The following CDK13 variants were observed in gnomAD, a reference collection of about 807,000 sequenced individuals.
CDK13 encodes the protein cyclin-dependent kinase 13.
CDK13 carries 40 observed loss-of-function variants against 137.6 expected under a neutral mutation model. The observed-to-expected ratio is 0.29, with a 90% CI of 0.23 to 0.38. The LOEUF (loss-of-function observed/expected upper bound fraction) is 0.38, where lower values mean the gene tolerates loss of function less well. Ranked by LOEUF, CDK13 falls within the 10% of genes least tolerant of loss-of-function variation. The probability of loss-of-function intolerance (pLI) is 1.00; values close to 1 mark genes in which losing one functional copy is unlikely to be tolerated. For synonymous variants in CDK13, 869 were observed against 760.1 expected (o/e 1.14, Z -2.36); for missense variants, 1,704 against 1,951.8 (o/e 0.87, Z 2.39).
rs570369493 is a variant in CDK13, at chr7:40,023,220, G to A, written c.2353+21189G>A. ...AGATTCTCATGTCTCAGTCTCCTGA[G>A]TAACTGGGACTACAGGTGTATGCCA... On this transcript the variant is annotated intron_variant, in intron 5 of 13. Transcript: ENST00000181839. 3.9e-4 allele frequency among the ~76,000 whole-genome samples: 59 copies of A among 151,836 alleles called. 1 individual carries two copies. Among genetic ancestry groups the A allele is most frequent in the Admixed American group, 3.7e-3 (57 of 15,244 alleles).
chr7:40,024,112 T>C (rs181430524), intron 5 of CDK13, among the ~76,000 whole-genome samples: 47 of 152,332 alleles, frequency 3.1e-4, no homozygotes, highest in Admixed American at 1.8e-3. Context: ...GAAGTAATAT[T>C]TCTCTTTCCT....
intron 11 of CDK13, among the ~76,000 whole-genome samples, chr7:40,080,842 T>C (rs1033357552): frequency 6.6e-6 from 1 of 152,190 alleles, no homozygotes; most frequent in Non-Finnish European, 1.5e-5. Context: ...TATCATGTTG[T>C]GGAGGTGACA....
intron 5 of CDK13, among the ~76,000 whole-genome samples, chr7:40,031,917 C>G (rs1562739379): frequency 2.6e-5 from 4 of 151,392 alleles, no homozygotes; most frequent in East Asian, 1.9e-4. Flanking sequence ...CAACTCCTGC[C>G]TTCAAGCTAT....
chr7:40,009,223 T>C (rs1035260155), intron 5 of CDK13, among the ~76,000 whole-genome samples: 1 of 152,278 alleles, frequency 6.6e-6, no homozygotes, highest in African/African-American at 2.4e-5. Context: ...TTTTATTGTC[T>C]TATTTAATAA....
chr7:40,010,916 A>G (rs1165759536), intron 5 of CDK13, among the ~76,000 whole-genome samples: 1 of 152,238 alleles, frequency 6.6e-6, no homozygotes, highest in Non-Finnish European at 1.5e-5. Context: ...AAGGCCTTAA[A>G]GAGAATAAAA....
intron 5 of CDK13, among the ~76,000 whole-genome samples, chr7:40,008,879 A>G (rs944555159): frequency 6.6e-6 from 1 of 152,194 alleles, no homozygotes; most frequent in African/African-American, 2.4e-5. Context: ...TTTTATTTTT[A>G]TCTGGAATTT....
At chr7:40,070,864 G>T (rs990149865) in intron 9 of CDK13, 1 of 152,072 alleles carries the variant, frequency 6.6e-6, no homozygotes, top group Non-Finnish European at 1.5e-5. Context: ...ATTACCCTAA[G>T]CCTTCTAGCA....
chr7:39,982,645 G>A (rs1019410576), intron 1 of CDK13, among the ~76,000 whole-genome samples: 1 of 152,164 alleles, frequency 6.6e-6, no homozygotes, highest in African/African-American at 2.4e-5. Context: ...GTGTAAAAGT[G>A]TTCCTATTTC....
At chr7:40,020,498 A>G (rs185494991) in intron 5 of CDK13, among the ~76,000 whole-genome samples, 2 of 152,118 alleles carry the variant, frequency 1.3e-5, no homozygotes, top group African/African-American at 2.4e-5. Flanking sequence ...TGTTCCCCCA[A>G]TGTATTTCGT....
At chr7:40,042,887 C>G (rs562454323) in intron 5 of CDK13, among the ~76,000 whole-genome samples, 40 of 152,018 alleles carry the variant, frequency 2.6e-4, no homozygotes, top group South Asian at 8.3e-4. Context: ...AAGTAGTCCT[C>G]CTGCCTCAGC....
Position 40,093,746 on chromosome 7 carries a change from A to AT in CDK13, c.3689-376dup, listed in dbSNP as rs533970535. Among the ~76,000 whole-genome samples the AT allele has an allele frequency of 2.1e-3, 314 of 151,592 alleles. 1 individual carries two copies. The highest frequency in any genetic ancestry group is 7.2e-3 in the African/African-American group (298 of 41,332). On this transcript the variant is annotated intron_variant, in intron 13 of 13. Coordinates refer to ENST00000181839, the MANE Select transcript of CDK13 (RefSeq NM_003718.5). ...ATAGTGAGACCCTGTCTCTAAAACAATTTTTTTTAATTAACTGGGCATGGT... is the reference window on the plus strand; with the variant it reads ...ATAGTGAGACCCTGTCTCTAAAACAATTTTTTTTTAATTAACTGGGCATGGT...
intron 5 of CDK13, among the ~76,000 whole-genome samples, chr7:40,042,438 G>A (rs1785628389): frequency 7.1e-6 from 1 of 140,230 alleles, no homozygotes; most frequent in African/African-American, 2.6e-5. Flanking sequence ...TCTAGTATAT[G>A]TTATAGATAC....
In CDK13 at chr7:40,088,345, C is replaced by CA. The variant is rs1786838478; in HGVS notation, c.3235+14_3235+15insA. ...ATGTGGCACCTGGTCAGTAATGCTT[C>CA]CATGGGTTGGTTTTCTTCACATTGT... is the stretch of plus-strand genomic sequence containing the variant. On this transcript the variant is annotated intron_variant, in intron 12 of 13. Transcript: ENST00000181839. The CA allele has an allele frequency of 1.3e-6, 2 of 1,597,856 alleles. No homozygotes were observed. The highest frequency in any genetic ancestry group is 1.7e-6 in the Non-Finnish European group (2 of 1,166,684).
chr7:40,011,709 A>T (rs1362606883), intron 5 of CDK13, among the ~76,000 whole-genome samples: 1 of 152,086 alleles, frequency 6.6e-6, no homozygotes. Context: ...GTAAGACTTT[A>T]TGATCTTGGA....
At chr7:40,016,949 G>A (rs1785017361) in intron 5 of CDK13, among the ~76,000 whole-genome samples, 1 of 152,086 alleles carries the variant, frequency 6.6e-6, no homozygotes, top group Non-Finnish European at 1.5e-5. Context: ...ATATGCATAT[G>A]TAGCAGATAA....
intron 5 of CDK13, among the ~76,000 whole-genome samples, chr7:40,024,653 T>G (rs1272406546): frequency 6.4e-4 from 64 of 100,486 alleles, no homozygotes; most frequent in East Asian, 2.3e-3. Context: ...GTGTTTTTTT[T>G]TTTTTTTTTT....
At chr7:40,079,668 G>A (rs1407944491) in intron 11 of CDK13, among the ~76,000 whole-genome samples, 1 of 152,174 alleles carries the variant, frequency 6.6e-6, no homozygotes, top group Non-Finnish European at 1.5e-5. Flanking sequence ...AAAGGGTACA[G>A]CCAGCTCTCA....
chr7:40,038,308 T>C (rs754388363), intron 5 of CDK13, among the ~76,000 whole-genome samples: 8 of 152,194 alleles, frequency 5.3e-5, no homozygotes, highest in Non-Finnish European at 7.4e-5. Flanking sequence ...CAAAAATCAT[T>C]TTGTTAGTAG....
intron 5 of CDK13, among the ~76,000 whole-genome samples, chr7:40,031,904 C>A (rs1378545197): frequency 6.6e-6 from 1 of 150,824 alleles, no homozygotes. Context: ...CCAGGGTAGT[C>A]TCCAACTCCT....
Sources: gnomAD v4.1 joint callset for allele counts (sites outside exome capture counted in the v4.1 genomes callset) on GRCh38, gnomAD v4.1.1 for gene constraint, MANE v1.5 for transcripts, NCBI Gene and HGNC (gene_info 2026-07-23, HGNC 2026-07-21) for gene names.